ZNG1A: variants seen among roughly 807,000 people sequenced by gnomAD.
ZNG1A encodes Zn regulated GTPase metalloprotein activator 1A, also known as zinc-regulated GTPase metalloprotein activator 1A.
chr9:165,331 T>TA, the ZNG1A span, among the ~76,000 whole-genome samples: 1 of 151,192 alleles, frequency 6.6e-6, no homozygotes, highest in Non-Finnish European at 1.5e-5. Context: ...CATTGATTTT[T>TA]ATTCCAATAA....
chr9:163,196 G>C, the ZNG1A span, among the ~76,000 whole-genome samples: 2 of 152,164 alleles, frequency 1.3e-5, no homozygotes, highest in East Asian at 3.9e-4. Context: ...AAACATAGTC[G>C]CTTAACTAAG....
the ZNG1A span, among the ~76,000 whole-genome samples, chr9:133,305 C>A: frequency 1.9e-4 from 13 of 66,670 alleles, 2 homozygotes; most frequent in African/African-American, 7.5e-4. Flanking sequence ...GAATCTCCTA[C>A]AGAGGTTACA....
chr9:126,813 G>A, the ZNG1A span, among the ~76,000 whole-genome samples: 1 of 151,886 alleles, frequency 6.6e-6, no homozygotes, highest in South Asian at 2.1e-4. Flanking sequence ...CTTTTTGATG[G>A]AGGCGCTCAG....
the ZNG1A span, among the ~76,000 whole-genome samples, chr9:159,823 T>C: frequency 2.0e-5 from 3 of 152,130 alleles, no homozygotes; most frequent in Non-Finnish European, 4.4e-5. Context: ...CAGCAGGAAC[T>C]ATTTCTTTTA....
the ZNG1A span, chr9:156,458 AT>A: frequency 1.3e-6 from 2 of 1,583,826 alleles, no homozygotes; most frequent in Non-Finnish European, 1.7e-6. Context: ...CCAGCAATCA[AT>A]ATATACTTTA....
the ZNG1A span, among the ~76,000 whole-genome samples, chr9:141,125 T>C: frequency 1.5e-5 from 2 of 130,610 alleles, no homozygotes; most frequent in African/African-American, 5.7e-5. Flanking sequence ...CTGCAGGATA[T>C]TATCCAGGAG....
At chr9:148,727 T>C in the ZNG1A span, 3 of 148,384 alleles carry the variant, frequency 2.0e-5, no homozygotes, top group Admixed American at 6.7e-5. Context: ...GTACCTAATG[T>C]TTTTCTTAAA....
chr9:169,788 A>T, the ZNG1A span, among the ~76,000 whole-genome samples: 1 of 150,026 alleles, frequency 6.7e-6, no homozygotes, highest in Admixed American at 6.6e-5. Flanking sequence ...TTTTTAATTA[A>T]GGTATGTATG....
the ZNG1A span, among the ~76,000 whole-genome samples, chr9:135,249 A>G: frequency 6.6e-6 from 1 of 150,956 alleles, no homozygotes; most frequent in African/African-American, 2.5e-5. Flanking sequence ...ATTCATATAT[A>G]TACATATGCA....
chr9:141,242 G>C, the ZNG1A span, among the ~76,000 whole-genome samples: 369 of 127,994 alleles, frequency 2.9e-3, 6 homozygotes, highest in African/African-American at 0.011. Context: ...ATAATTGTCA[G>C]ATTCACCAAA....
the ZNG1A span, among the ~76,000 whole-genome samples, chr9:124,056 G>A: frequency 1.3e-3 from 204 of 152,296 alleles, no homozygotes; most frequent in African/African-American, 4.7e-3. Context: ...AGTTCTTAGC[G>A]ATGAGAATGA....
the ZNG1A span, among the ~76,000 whole-genome samples, chr9:128,112 CTCTT>C: frequency 1.3e-5 from 2 of 152,140 alleles, no homozygotes; most frequent in South Asian, 2.1e-4. Flanking sequence ...TGTTTCACAG[CTCTT>C]TCTTTCATCT....
chr9:131,876 T>A, the ZNG1A span, among the ~76,000 whole-genome samples: 1 of 146,746 alleles, frequency 6.8e-6, no homozygotes, highest in Non-Finnish European at 1.5e-5. Context: ...GTCTAGCAAA[T>A]TAAAACCTAA....
chr9:144,937 C>G, the ZNG1A span, among the ~76,000 whole-genome samples: 4 of 151,514 alleles, frequency 2.6e-5, no homozygotes, highest in Admixed American at 2.0e-4. Flanking sequence ...CCAAAAGACA[C>G]ATGAAAAAAT....
the ZNG1A span, among the ~76,000 whole-genome samples, chr9:127,307 T>G: frequency 2.0e-5 from 3 of 152,132 alleles, no homozygotes; most frequent in African/African-American, 7.2e-5. Context: ...ATTGTGTTGC[T>G]GTCTGTCTAA....
the ZNG1A span, among the ~76,000 whole-genome samples, chr9:170,536 C>G: frequency 6.6e-6 from 1 of 150,520 alleles, no homozygotes; most frequent in Admixed American, 6.6e-5. Flanking sequence ...ATGGGGTGCG[C>G]CACATCGCCT....
chr9:169,621 T>C, the ZNG1A span, among the ~76,000 whole-genome samples: 1 of 147,138 alleles, frequency 6.8e-6, no homozygotes. Context: ...CAAACTTCAT[T>C]ATTATCTTAT....
chr9:139,287 T>C, the ZNG1A span, among the ~76,000 whole-genome samples: 3 of 150,818 alleles, frequency 2.0e-5, no homozygotes, highest in South Asian at 6.3e-4. Context: ...TAATGCATGA[T>C]TCCACTTGCG....
At chr9:141,809 G>C in the ZNG1A span, among the ~76,000 whole-genome samples, 1 of 152,166 alleles carries the variant, frequency 6.6e-6, no homozygotes, top group Non-Finnish European at 1.5e-5. Context: ...CTCACGTGCA[G>C]AGACACACAC....
Sources: allele counts gnomAD v4.1 joint callset (sites outside exome capture counted in the v4.1 genomes callset), GRCh38; gene constraint gnomAD v4.1.1; transcripts MANE v1.5; gene names NCBI Gene and HGNC (gene_info 2026-07-23, HGNC 2026-07-21).